Variants in CD36 observed in about 807,000 individuals in gnomAD.
CD36 encodes the protein CD36 molecule (CD36 blood group), also known as platelet glycoprotein 4.
In CD36, 119 loss-of-function variants were observed where a neutral mutation model predicts 55.2. That is an observed-to-expected ratio of 2.15 (90% CI 1.86 to 2.51). The LOEUF (loss-of-function observed/expected upper bound fraction) is 2.51. Among genes scored for constraint, CD36 ranks in the 30% most tolerant of loss-of-function variants. The pLI is 0.00. For synonymous variants in CD36, 186 were observed against 193.6 expected (o/e 0.96, Z 0.33); for missense variants, 819 against 555.5 (o/e 1.47, Z -4.77).
chr7:80,669,995 T>C lies in CD36; in HGVS notation c.791T>C (p.Leu264Ser), dbSNP rs535549168. ...CCTTTTGTTGAGAAAAGCCAGGTAT[T>C]GCAGTTCTTTTCTTCTGATATTTGC... The part of the protein sequence containing the change: ...FPPFVEKSQV[L>S]QFFSSDICRS... Residue 264 changes from leucine (L) to serine (S), a missense_variant, in exon 9 of 15, where the codon TTG (leucine) becomes TCG (serine). Coordinates refer to ENST00000447544, the MANE Select transcript of CD36 (RefSeq NM_001001548.3). The C allele has an allele frequency of 5.6e-6, 9 of 1,611,482 alleles. No homozygotes were observed. The highest frequency in any genetic ancestry group is 3.3e-5 in the Admixed American group (2 of 59,968).
In CD36 at chr7:80,677,896, G is replaced by GTCTT. The variant is rs1798210530; in HGVS notation, c.*1515_*1518dup. The GTCTT allele has an allele frequency of 6.6e-6, 1 of 152,096 alleles. No individual in the cohort carries two copies. The highest frequency in any genetic ancestry group is 1.5e-5 in the Non-Finnish European group (1 of 68,030). The allele number at this position is 152,096 out of a possible 1,614,324, so 9.4% of individuals were successfully genotyped here. On this transcript the variant is annotated 3_prime_UTR_variant, in exon 15 of 15. Coordinates refer to ENST00000447544, the MANE Select transcript of CD36 (RefSeq NM_001001548.3). Reference sequence around the variant, plus strand: ...TATCAGAAAAGGTTTTGACCTATATGTCTTTAATATTGTTTGAATACATGT... The same window carrying GTCTT: ...TATCAGAAAAGGTTTTGACCTATATGTCTTTCTTTAATATTGTTTGAATACATGT...
intron 6 of CD36, among the ~76,000 whole-genome samples, chr7:80,663,738 A>T (rs1465180712): frequency 1.3e-5 from 2 of 152,166 alleles, no homozygotes; most frequent in Non-Finnish European, 2.9e-5. Flanking sequence ...GGTGTACTTG[A>T]TTACCGCTTA....
chr7:80,661,310 T>G (rs1385373561), intron 5 of CD36, 100 bp downstream of exon 5: 1 of 1,194,130 alleles, frequency 8.4e-7, no homozygotes. Flanking sequence ...GTTTTTCCAT[T>G]TTTATCAAAA....
intron 1 of CD36, among the ~76,000 whole-genome samples, chr7:80,623,396 A>G (rs2115933076): frequency 6.6e-6 from 1 of 152,290 alleles, no homozygotes; most frequent in South Asian, 2.1e-4. Flanking sequence ...ATAAATATTA[A>G]TTCAGTATGT....
At chr7:80,654,346 C>T (rs148202128) in intron 3 of CD36, among the ~76,000 whole-genome samples, 2 of 152,136 alleles carry the variant, frequency 1.3e-5, no homozygotes, top group Non-Finnish European at 2.9e-5. Context: ...TCGCAAAAAC[C>T]GTAATTACTT....
intron 1 of CD36, among the ~76,000 whole-genome samples, chr7:80,619,632 G>A (rs1459068029): frequency 2.4e-5 from 3 of 127,158 alleles, no homozygotes; most frequent in Non-Finnish European, 4.7e-5. Flanking sequence ...GGGTGACAGA[G>A]TAAGACTCTG....
rs1796666287 is a variant in CD36, at chr7:80,662,905, T to G, written c.430-85T>G. The G allele has an allele frequency of 5.3e-5, 59 of 1,122,852 alleles. 1 individual carries two copies. The South Asian group carries it at 7.7e-4, about 15-fold the overall frequency. 69.6% of individuals were successfully genotyped at this position (1,122,852 alleles called of 1,614,324 possible). ...AGATAAGCTTTAAAAAGTTTTGTAT[T>G]AAGCTCAATATTAGCATTTAATCCA... On this transcript the variant is annotated intron_variant, in intron 5 of 14. Transcript: ENST00000447544.
At chr7:80,676,189 T>C (rs917351899) in intron 14 of CD36, 195 bp from the exon 15 acceptor site, 10 of 152,304 alleles carry the variant, frequency 6.6e-5, no homozygotes, top group African/African-American at 2.2e-4. Context: ...AAATTGGATA[T>C]GCTTTACTTT....
At chr7:80,650,958 C>T (rs1413948251) in intron 3 of CD36, among the ~76,000 whole-genome samples, 2 of 149,788 alleles carry the variant, frequency 1.3e-5, no homozygotes, top group Non-Finnish European at 3.0e-5. Flanking sequence ...AAATCAATAG[C>T]AAGAGCTGCC....
chr7:80,671,246 GC>G (rs1191754483), intron 10 of CD36, 82 bp downstream of exon 10: 8 of 906,252 alleles, frequency 8.8e-6, no homozygotes, highest in Non-Finnish European at 1.4e-5. Flanking sequence ...TAATCCTTTA[GC>G]AACCAAAATT....
intron 5 of CD36, chr7:80,662,313 G>A (rs3211897): frequency 0.016 from 2,581 of 160,870 alleles, 81 homozygotes; most frequent in African/African-American, 0.058. Flanking sequence ...AGCTGAAATT[G>A]AAGTGGAGAG....
At chr7:80,618,536 A>G (rs956433395) in intron 1 of CD36, among the ~76,000 whole-genome samples, 2 of 152,184 alleles carry the variant, frequency 1.3e-5, no homozygotes, top group African/African-American at 4.8e-5. Context: ...TGTGAATGCA[A>G]AGAAGAAGTT....
intron 1 of CD36, among the ~76,000 whole-genome samples, chr7:80,610,607 C>T (rs1792824572): frequency 6.6e-6 from 1 of 152,014 alleles, no homozygotes; most frequent in African/African-American, 2.4e-5. Context: ...GAGTCTTGCT[C>T]TGTCTCGCCC....
chr7:80,625,160 A>G (rs1482504824), intron 1 of CD36: 1 of 152,132 alleles, frequency 6.6e-6, no homozygotes, highest in Non-Finnish European at 1.5e-5. Context: ...CAATTTGCAA[A>G]CCATTTCTAA....
At chr7:80,637,590 G>A (rs1482530807), upstream of CD36, among the ~76,000 whole-genome samples, 4 of 151,616 alleles carry the variant, frequency 2.6e-5, no homozygotes, top group Admixed American at 2.0e-4. Flanking sequence ...CAGTTGTATG[G>A]CACTGCTTGC....
chr7:80,639,000 A>C (rs1032068962), intron 1 of CD36, among the ~76,000 whole-genome samples: 7 of 151,986 alleles, frequency 4.6e-5, no homozygotes, highest in African/African-American at 1.7e-4. Flanking sequence ...TGTATAAGTT[A>C]ATATTTAAAG....
At chr7:80,674,832 T>C (rs1159816053) in intron 14 of CD36, among the ~76,000 whole-genome samples, 3 of 152,180 alleles carry the variant, frequency 2.0e-5, no homozygotes, top group Admixed American at 6.5e-5. Context: ...GCAATGTAAA[T>C]AAAAGCAGTA....
rs752208002 is a variant in CD36 at position 80,646,867 on chromosome 7, G to A, written c.120+7G>A. ...CCAGAAGACAATTAAAAAGGTACAAGTAGTCCAAAGAATATGCCTTCTCAT... is the reference window on the plus strand; with the variant it reads ...CCAGAAGACAATTAAAAAGGTACAAATAGTCCAAAGAATATGCCTTCTCAT... On this transcript the variant is annotated splice_region_variant and intron_variant, in intron 3 of 14. Transcript: ENST00000447544. 24 of 1,613,680 alleles carry A rather than the reference G, an allele frequency of 1.5e-5. No homozygotes were observed. The highest frequency in any genetic ancestry group is 1.9e-5 in the Non-Finnish European group (22 of 1,179,718).
intron 1 of CD36, among the ~76,000 whole-genome samples, chr7:80,607,158 C>A (rs1432112892): frequency 1.3e-5 from 2 of 152,120 alleles, no homozygotes; most frequent in Admixed American, 1.3e-4. Context: ...GCATTTTGTT[C>A]TGTCAACTCT....
Sources: gnomAD v4.1 joint callset for allele counts (sites outside exome capture counted in the v4.1 genomes callset) on GRCh38, gnomAD v4.1.1 for gene constraint, MANE v1.5 for transcripts, NCBI Gene and HGNC (gene_info 2026-07-23, HGNC 2026-07-21) for gene names.